The following GRID1 variants were observed in gnomAD, a reference collection of about 807,000 sequenced individuals.
The protein encoded by GRID1 is glutamate ionotropic receptor delta type subunit 1, also known as glutamate receptor ionotropic, delta-1.
GRID1 carries 28 observed loss-of-function variants against 98.0 expected under a neutral mutation model. The observed-to-expected ratio is 0.29, with a 90% CI of 0.21 to 0.39. The LOEUF is 0.39. GRID1 is among the 10% of genes least tolerant of loss of function. The pLI, the probability that GRID1 is intolerant of heterozygous loss-of-function variation, is 1.00. For missense variants in GRID1, 1,111 were observed against 1,340.5 expected (o/e 0.83, Z 2.67); for synonymous variants, 553 against 538.5 (o/e 1.03, Z -0.37).
chr10:86,366,272 G>A lies in GRID1; in HGVS notation c.79+42C>T. On this transcript the variant is annotated intron_variant, in intron 1 of 15. Transcript: ENST00000327946. This position sits in a 1 kb window ranked among gnomAD's most constrained non-coding sequence, Gnocchi z 4.1. ...ACGCCGCGCACCCCCTGCCCCGTTGGGGCCCCCGCCCAGCCTCGGCCCGGC... is the reference window on the plus strand; with the variant it reads ...ACGCCGCGCACCCCCTGCCCCGTTGAGGCCCCCGCCCAGCCTCGGCCCGGC... The A allele has an allele frequency of 1.4e-6, 2 of 1,414,350 alleles. No homozygotes were observed. The highest frequency in any genetic ancestry group is 1.9e-6 in the Non-Finnish European group (2 of 1,058,118). 87.6% of individuals were successfully genotyped at this position (1,414,350 alleles called of 1,614,324 possible). A position where few individuals can be genotyped will look rare whatever the true frequency, so the allele number is the denominator to read the frequency against.
At chr10:85,899,181 C>T (rs369212254) in intron 5 of GRID1, among the ~76,000 whole-genome samples, 4 of 152,290 alleles carry the variant, frequency 2.6e-5, no homozygotes, top group East Asian at 3.9e-4. Flanking sequence ...TGTCTTTCTA[C>T]GCCTAGCTTA....
intron 12 of GRID1, among the ~76,000 whole-genome samples, chr10:85,675,355 C>A (rs924527045): frequency 5.3e-5 from 8 of 152,154 alleles, no homozygotes; most frequent in African/African-American, 9.7e-5. Flanking sequence ...TATTCCAGAT[C>A]CTCCTAGGCT....
intron 4 of GRID1, among the ~76,000 whole-genome samples, chr10:86,059,913 T>C (rs554039299): frequency 8.5e-5 from 13 of 152,258 alleles, no homozygotes; most frequent in Non-Finnish European, 1.6e-4. Context: ...TCTCCTAATA[T>C]TATGCAAACG....
At chr10:85,654,354 A>G (rs1399105918) in intron 12 of GRID1, among the ~76,000 whole-genome samples, 1 of 152,276 alleles carries the variant, frequency 6.6e-6, no homozygotes, top group Non-Finnish European at 1.5e-5. Flanking sequence ...GTAAATAAAT[A>G]TAAAAACAAA....
chr10:85,708,124 A>T (rs566926835), intron 12 of GRID1, among the ~76,000 whole-genome samples: 9 of 127,936 alleles, frequency 7.0e-5, no homozygotes, highest in Non-Finnish European at 1.5e-4. Flanking sequence ...AAAAAAAAAA[A>T]AAAAAAACAC....
intron 4 of GRID1, among the ~76,000 whole-genome samples, chr10:86,026,694 T>C (rs1432289046): frequency 6.6e-6 from 1 of 152,240 alleles, no homozygotes; most frequent in Non-Finnish European, 1.5e-5. Flanking sequence ...GAACTGAACC[T>C]AACTGGTGAG....
intron 4 of GRID1, among the ~76,000 whole-genome samples, chr10:85,939,828 G>T (rs1390929095): frequency 6.6e-6 from 1 of 152,142 alleles, no homozygotes; most frequent in Non-Finnish European, 1.5e-5. Context: ...CACTTTGGGA[G>T]GCCAAAGTGG....
At position 85,847,672 on chromosome 10, in the gene GRID1, C is replaced by T. The variant is rs182060217; in HGVS notation, c.1233+6824G>A. ...ATGTAAAAGCTAGGCCATCATGTCA[C>T]AATTTATCCCAAATCCATCCCAGTT... On this transcript the variant is annotated intron_variant, in intron 8 of 15. Coordinates refer to ENST00000327946, the MANE Select transcript of GRID1 (RefSeq NM_017551.3). Among the ~76,000 whole-genome samples the T allele has an allele frequency of 7.3e-4, 110 of 151,198 alleles. 2 individuals carry two copies. The highest frequency in any genetic ancestry group is 4.4e-5 in the Non-Finnish European group (3 of 67,838).
chr10:86,219,557 C>T (rs1351548957), intron 2 of GRID1, among the ~76,000 whole-genome samples: 1 of 152,194 alleles, frequency 6.6e-6, no homozygotes. Context: ...TCCCCTTCTC[C>T]CTGCTCTGCA....
chr10:85,607,751 G>A (rs919141578), intron 15 of GRID1, among the ~76,000 whole-genome samples: 1 of 152,012 alleles, frequency 6.6e-6, no homozygotes, highest in Non-Finnish European at 1.5e-5. Flanking sequence ...GTAAGTGGAA[G>A]GTCAGGACGA....
At chr10:86,132,032 C>T (rs1436442053) in intron 4 of GRID1, among the ~76,000 whole-genome samples, 1 of 152,096 alleles carries the variant, frequency 6.6e-6, no homozygotes, top group African/African-American at 2.4e-5. Flanking sequence ...GCAGGGCTAG[C>T]TCTGGGATGA....
chr10:85,803,334 A>C lies in GRID1; in HGVS notation c.1233+51162T>G, dbSNP rs1051166905. On this transcript the variant is annotated intron_variant, in intron 8 of 15. Transcript: ENST00000327946. ...GTGCATGCCTGTATCAAAACATCTC[A>C]TGTATCCTATAAATATATACACCTA... Among the ~76,000 whole-genome samples, 11 of 152,270 alleles carry C rather than the reference A, an allele frequency of 7.2e-5. No homozygotes were observed. In the East Asian group the frequency reaches 1.9e-3, roughly 27 times the overall value.
At chr10:85,971,634 A>C (rs1049616791) in intron 4 of GRID1, among the ~76,000 whole-genome samples, 13 of 152,232 alleles carry the variant, frequency 8.5e-5, no homozygotes, top group African/African-American at 3.1e-4. Flanking sequence ...GGAAATTAAA[A>C]CCACAGTGAG....
intron 2 of GRID1, among the ~76,000 whole-genome samples, chr10:86,346,204 T>C (rs1848379398): frequency 6.6e-6 from 1 of 152,226 alleles, no homozygotes; most frequent in Non-Finnish European, 1.5e-5. Context: ...GCACATGGGT[T>C]CTGCCAGCTG....
At chr10:86,085,895 T>A (rs1021923897) in intron 4 of GRID1, among the ~76,000 whole-genome samples, 1 of 152,034 alleles carries the variant, frequency 6.6e-6, no homozygotes, top group Admixed American at 6.5e-5. Flanking sequence ...TCGGGACCCA[T>A]GGCCTGGGCA....
At chr10:85,973,055 C>T (rs1194336427) in intron 4 of GRID1, among the ~76,000 whole-genome samples, 1 of 152,210 alleles carries the variant, frequency 6.6e-6, no homozygotes, top group African/African-American at 2.4e-5. Context: ...AGGCACAGAG[C>T]AAGGTGGCAC....
intron 2 of GRID1, among the ~76,000 whole-genome samples, chr10:86,292,937 G>A (rs1200222127): frequency 6.6e-6 from 1 of 152,052 alleles, no homozygotes; most frequent in African/African-American, 2.4e-5. Flanking sequence ...GATGGATGGG[G>A]GCAGATGGAT....
At chr10:85,840,234 G>T (rs1188676896) in intron 8 of GRID1, among the ~76,000 whole-genome samples, 1 of 152,010 alleles carries the variant, frequency 6.6e-6, no homozygotes, top group East Asian at 1.9e-4. Flanking sequence ...GAGGAGAAGG[G>T]ACTCCTCCCT....
intron 5 of GRID1, among the ~76,000 whole-genome samples, chr10:85,875,641 T>G (rs1843321922): frequency 6.6e-6 from 1 of 152,214 alleles, no homozygotes; most frequent in Admixed American, 6.5e-5. Flanking sequence ...TTCTATGTTA[T>G]CTTTTATTGG....
Sources: gnomAD v4.1 joint callset for allele counts (sites outside exome capture counted in the v4.1 genomes callset) on GRCh38, gnomAD v4.1.1 for gene constraint, Gnocchi (gnomAD v3.1) non-coding constraint, MANE v1.5 for transcripts, NCBI Gene and HGNC (gene_info 2026-07-23, HGNC 2026-07-21) for gene names.